Variants in ABCD4 observed in about 807,000 individuals in gnomAD.
ABCD4 encodes lysosomal cobalamin transporter ABCD4.
ABCD4 carries 53 observed loss-of-function variants against 86.3 expected under a neutral mutation model. The observed-to-expected ratio is 0.61, with a 90% CI of 0.49 to 0.77. The LOEUF is 0.77. Ranked by LOEUF, ABCD4 falls within the 30% of genes least tolerant of loss-of-function variation. The pLI is 0.00. For synonymous variants in ABCD4, 328 were observed against 313.6 expected, an observed-to-expected ratio of 1.05 and a Z score of -0.49; for missense variants, 757 against 764.5, an observed-to-expected ratio of 0.99 and a Z score of 0.12.
At chr14:74,301,317 G>A (rs1011137999) in intron 1 of ABCD4, among the ~76,000 whole-genome samples, 10 of 151,802 alleles carry the variant, frequency 6.6e-5, no homozygotes, top group African/African-American at 2.2e-4. Flanking sequence ...GCGTCAACAC[G>A]CTCAGCTAAT....
chr14:74,302,817 C>T, intron 1 of ABCD4, 58 bp downstream of exon 1: 1 of 1,551,070 alleles, frequency 6.4e-7, no homozygotes, highest in Admixed American at 1.9e-5. Context: ...CAGGAAAGCC[C>T]ATTCCCTACA....
Position 74,293,160 on chromosome 14 carries a change from G to A in ABCD4, c.808C>T (p.Leu270=). 6.2e-7 allele frequency: 1 copy of A among 1,613,982 alleles called. No homozygotes were observed. Residue 270 remains leucine, a synonymous_variant, in exon 8 of 19, where the codon CTG becomes TTG. Transcript: ENST00000356924. The part of the protein sequence containing the change: ...QRELMSKELW[L]YIGINTFDYL... The stretch of plus-strand genomic sequence containing the variant: ...CCTGGGCCCCCTCGCCTACTGTACA[G>A]CCAGAGCTCCTTGGACATCAGCTCC...
In ABCD4 at chr14:74,292,952, G is replaced by A. The variant is rs74063816; in HGVS notation, c.815-83C>T. On this transcript the variant is annotated intron_variant, in intron 8 of 18. Coordinates refer to ENST00000356924, the MANE Select transcript of ABCD4 (RefSeq NM_005050.4). ...ACAACCCTAAGACAGGGAGCAGGAC[G>A]CCAAGTAGGGCCACGTGGACTCTCT... 0.012 allele frequency: 19,490 copies of A among 1,585,120 alleles called. 1,985 individuals are homozygous for A. In the African/African-American group the frequency reaches 0.23, roughly 19 times the overall value.
intron 14 of ABCD4, chr14:74,288,989 G>T: frequency 1.1e-6 from 1 of 911,684 alleles, no homozygotes; most frequent in Non-Finnish European, 1.5e-6. Context: ...GCGTGCACCT[G>T]TAGCCCCAGC....
Position 74,296,383 on chromosome 14 carries a change from GAGCTTGCTGGCCATGCT to G in ABCD4, c.475_491del (p.Ser159HisfsTer59). On this transcript the variant is annotated frameshift_variant, in exon 5 of 19. Coordinates refer to ENST00000356924, the MANE Select transcript of ABCD4 (RefSeq NM_005050.4). LOFTEE classifies it high-confidence loss of function. The stretch of plus-strand genomic sequence containing the variant: ...AGACGAGGGTGAACGGGGAGATGAT[GAGCTTGCTGGCCATGCT>G]GCTGAGCTGCCGGCAGAATCGCTCC... The G allele has an allele frequency of 6.2e-7, 1 of 1,614,090 alleles. No homozygotes were observed. The highest frequency in any genetic ancestry group is 8.5e-7 in the Non-Finnish European group (1 of 1,180,034).
At chr14:74,290,958 C>T (rs2081338692) in intron 11 of ABCD4, among the ~76,000 whole-genome samples, 1 of 151,828 alleles carries the variant, frequency 6.6e-6, no homozygotes, top group African/African-American at 2.4e-5. Context: ...TAGACGTGAG[C>T]TTCCGTGCCC....
intron 4 of ABCD4, 149 bp from the exon 5 acceptor site, chr14:74,296,598 G>A: frequency 1.5e-6 from 1 of 663,414 alleles, no homozygotes; most frequent in Non-Finnish European, 2.6e-6. Flanking sequence ...AGACAAGGCT[G>A]GTTTCCTAGG....
Position 74,302,257 on chromosome 14 carries a change from C to A in ABCD4, c.38+618G>T, listed in dbSNP as rs143570614. On this transcript the variant is annotated intron_variant, in intron 1 of 18. Coordinates refer to ENST00000356924, the MANE Select transcript of ABCD4 (RefSeq NM_005050.4). ...GAATAAGTCTATGCACACAGCACCC[C>A]TCATGCAAGCACTCAGAAGTGAAAA... Among the ~76,000 whole-genome samples, 1,229 of 152,290 alleles carry A rather than the reference C, an allele frequency of 8.1e-3. 9 individuals carry two copies. The highest frequency in any genetic ancestry group is 0.028 in the African/African-American group (1,166 of 41,556).
chr14:74,288,498 A>C (rs777172753), intron 15 of ABCD4: 6 of 656,378 alleles, frequency 9.1e-6, no homozygotes, highest in Admixed American at 2.9e-5. Flanking sequence ...AACCGCCTTC[A>C]TCAATCCTAT....
intron 2 of ABCD4, 88 bp downstream of exon 2, chr14:74,300,062 T>TA (rs2083965092): frequency 3.5e-6 from 2 of 578,068 alleles, no homozygotes; most frequent in African/African-American, 4.6e-5. Context: ...AAACTCTGTC[T>TA]CAAAAAAAAA....
chr14:74,301,958 C>G (rs151062556), intron 1 of ABCD4, among the ~76,000 whole-genome samples: 1 of 151,144 alleles, frequency 6.6e-6, no homozygotes, highest in East Asian at 2.0e-4. Flanking sequence ...CCTTACACCC[C>G]CCAGACTGAT....
chr14:74,289,812 C>T (rs2080967182), intron 13 of ABCD4: 3 of 1,438,500 alleles, frequency 2.1e-6, no homozygotes, highest in Middle Eastern at 2.6e-4. Context: ...GTCCTTGCCC[C>T]ATTTACCTGC....
In ABCD4 at chr14:74,290,428, G is replaced by T. The variant is rs749168282; in HGVS notation, c.1190C>A (p.Pro397His). 6.2e-7 allele frequency: 1 copy of T among 1,614,088 alleles called. No homozygotes were observed. Among genetic ancestry groups the T allele is most frequent in the South Asian group, 1.1e-5 (1 of 91,072 alleles). The change falls in exon 12 of 19, where the codon CCC becomes CAC. Residue 397 changes from proline to histidine, a missense_variant. Pro to His is a moderately conservative substitution (Grantham distance 77). Transcript: ENST00000356924. The stretch of plus-strand genomic sequence containing the variant: ...CTTGATTAGGGGTTTGTCAGAGGAG[G>T]GGGCAGAGATGGAGACCCGCTCAAG... ...FLLERVSISA[P>H]SSDKPLIKDL...
rs74063820 is a variant in ABCD4 at position 74,293,383 on chromosome 14, G to C, written c.720-135C>G. 14,397 of 712,882 alleles carry C rather than the reference G, an allele frequency of 0.02. 1,476 individuals are homozygous for C. The African/African-American group carries it at 0.23, about 11-fold the overall frequency. 44.2% of individuals were successfully genotyped at this position (712,882 alleles called of 1,614,324 possible). On this transcript the variant is annotated intron_variant, in intron 7 of 18. Coordinates refer to ENST00000356924, the MANE Select transcript of ABCD4 (RefSeq NM_005050.4). ...TCTTGGTCTCAGGATCTGTCTACTG[G>C]TAGCGCCCATTCACGGCTTCAGTCA...
chr14:74,291,692 G>A (rs946190218), intron 11 of ABCD4, among the ~76,000 whole-genome samples: 1 of 152,194 alleles, frequency 6.6e-6, no homozygotes, highest in East Asian at 1.9e-4. Context: ...CAAGTTGAGT[G>A]TAGGCCCTGG....
chr14:74,288,064 C>A (rs1428540653), intron 16 of ABCD4, 143 bp downstream of exon 16: 2 of 1,102,402 alleles, frequency 1.8e-6, no homozygotes, highest in Non-Finnish European at 2.6e-6. Context: ...AACTCTGTTC[C>A]CAAGGGCATA....
At position 74,290,282 on chromosome 14, in the gene ABCD4, G is replaced by A. The variant is rs112493282; in HGVS notation, c.1327+9C>T. 3.7e-6 allele frequency: 6 copies of A among 1,614,028 alleles called. No homozygotes were observed. Among genetic ancestry groups the A allele is most frequent in the Admixed American group, 1.7e-5 (1 of 60,000 alleles). ...GCTGGGTCAGAGGCAGGGAGGGCCTGGCTCTCACCCCGTGTACTCGTCCAG... is the reference window on the plus strand; with the variant it reads ...GCTGGGTCAGAGGCAGGGAGGGCCTAGCTCTCACCCCGTGTACTCGTCCAG... On this transcript the variant is annotated intron_variant, in intron 12 of 18. Transcript: ENST00000356924.
chr14:74,289,019 G>T, intron 14 of ABCD4: 1 of 961,836 alleles, frequency 1.0e-6, no homozygotes, highest in Non-Finnish European at 1.4e-6. Flanking sequence ...GGCTGAGGCA[G>T]GGGAATTGCT....
intron 1 of ABCD4, among the ~76,000 whole-genome samples, chr14:74,300,808 G>A (rs17182959): frequency 0.61 from 93,458 of 151,980 alleles, 30,656 homozygotes; most frequent in African/African-American, 0.84. Context: ...GATTAAGTTA[G>A]AAGACTTGGA....
Sources: allele counts gnomAD v4.1 joint callset (sites outside exome capture counted in the v4.1 genomes callset), GRCh38; gene constraint gnomAD v4.1.1; transcripts MANE v1.5; gene names NCBI Gene and HGNC (gene_info 2026-07-23, HGNC 2026-07-21).